Variants in AGBL4 observed in about 807,000 individuals in gnomAD.
The protein encoded by AGBL4 is AGBL carboxypeptidase 4.
In AGBL4, 58 loss-of-function variants were observed where a neutral mutation model predicts 66.4. The observed-to-expected ratio is 0.87, with a 90% CI of 0.71 to 1.09. The LOEUF (loss-of-function observed/expected upper bound fraction) is 1.09, where lower values mean the gene tolerates loss of function less well. Ranked by LOEUF, AGBL4 falls within the 50% of genes least tolerant of loss-of-function variation. The pLI, the probability that AGBL4 is intolerant of heterozygous loss-of-function variation, is 0.00. For missense variants in AGBL4, 579 were observed against 631.0 expected, an observed-to-expected ratio of 0.92 and a Z score of 0.88; for synonymous variants, 234 against 222.9, an observed-to-expected ratio of 1.05 and a Z score of -0.44.
intron 6 of AGBL4, among the ~76,000 whole-genome samples, chr1:48,788,708 C>T (rs573131707): frequency 6.6e-6 from 1 of 152,250 alleles, no homozygotes; most frequent in South Asian, 2.1e-4. Flanking sequence ...TCTTCTGGGA[C>T]ACTAACTGTG....
At chr1:49,845,031 A>T in intron 2 of AGBL4, 1 of 1,437,600 alleles carries the variant, frequency 7.0e-7, no homozygotes, top group Non-Finnish European at 9.6e-7. Flanking sequence ...GGGAGAAGCC[A>T]GACCTAAATG....
intron 3 of AGBL4, among the ~76,000 whole-genome samples, chr1:49,485,873 T>C (rs1243851568): frequency 6.6e-6 from 1 of 151,790 alleles, no homozygotes; most frequent in Non-Finnish European, 1.5e-5. Context: ...GGGTACAAAC[T>C]AATAGAAAAA....
intron 3 of AGBL4, among the ~76,000 whole-genome samples, chr1:49,322,304 G>T (rs577318629): frequency 1.3e-5 from 2 of 152,296 alleles, no homozygotes; most frequent in African/African-American, 4.8e-5. Flanking sequence ...CCAGGTGATT[G>T]TATGTGGATG....
intron 5 of AGBL4, among the ~76,000 whole-genome samples, chr1:48,938,672 C>T (rs1655683870): frequency 6.6e-6 from 1 of 152,158 alleles, no homozygotes; most frequent in South Asian, 2.1e-4. Flanking sequence ...ATAAATTGGG[C>T]ATTTGTATAT....
chr1:49,625,447 A>T (rs1645446870), intron 3 of AGBL4, among the ~76,000 whole-genome samples: 1 of 152,174 alleles, frequency 6.6e-6, no homozygotes, highest in Non-Finnish European at 1.5e-5. Context: ...TTTCCTTGAC[A>T]ATTAAGACTA....
At chr1:49,401,789 A>G (rs1457984268) in intron 3 of AGBL4, among the ~76,000 whole-genome samples, 1 of 152,170 alleles carries the variant, frequency 6.6e-6, no homozygotes, top group African/African-American at 2.4e-5. Context: ...GTAGAATTCA[A>G]CAATGAAACT....
chr1:49,342,749 C>T (rs1645565465), intron 3 of AGBL4, among the ~76,000 whole-genome samples: 1 of 152,148 alleles, frequency 6.6e-6, no homozygotes, highest in Admixed American at 6.5e-5. Context: ...TGACCTTTGC[C>T]ATTTATTGAT....
At chr1:50,006,579 C>A (rs913337774) in intron 1 of AGBL4, among the ~76,000 whole-genome samples, 2 of 151,200 alleles carry the variant, frequency 1.3e-5, no homozygotes, top group African/African-American at 4.9e-5. Context: ...AAATAACATA[C>A]AATGGAGCTC....
intron 1 of AGBL4, among the ~76,000 whole-genome samples, chr1:49,953,605 T>C (rs1381399342): frequency 6.6e-6 from 1 of 151,908 alleles, no homozygotes; most frequent in East Asian, 1.9e-4. Context: ...TGAAACTCTA[T>C]GAGCATTGCT....
chr1:49,563,634 C>G (rs1644112581), intron 3 of AGBL4, among the ~76,000 whole-genome samples: 1 of 152,146 alleles, frequency 6.6e-6, no homozygotes, highest in African/African-American at 2.4e-5. Context: ...TATGTTGAAC[C>G]AGCCTTGCAT....
intron 2 of AGBL4, among the ~76,000 whole-genome samples, chr1:49,713,774 T>C (rs921298715): frequency 5.9e-5 from 9 of 152,030 alleles, no homozygotes; most frequent in Admixed American, 3.3e-4. Context: ...AGGAACAATG[T>C]AAAATTTCTG....
chr1:49,878,802 T>C (rs1647114200), intron 1 of AGBL4, among the ~76,000 whole-genome samples: 1 of 140,402 alleles, frequency 7.1e-6, no homozygotes, highest in East Asian at 2.1e-4. Context: ...TCTAAGTCTC[T>C]TTGTAGGTCA....
intron 4 of AGBL4, among the ~76,000 whole-genome samples, chr1:49,055,425 AT>A (rs1644291509): frequency 6.6e-6 from 1 of 152,098 alleles, no homozygotes; most frequent in Non-Finnish European, 1.5e-5. Flanking sequence ...CTCTAAGTTT[AT>A]CAGGCAGGTA....
intron 3 of AGBL4, among the ~76,000 whole-genome samples, chr1:49,368,994 G>A (rs1570540452): frequency 6.6e-6 from 1 of 152,186 alleles, no homozygotes; most frequent in African/African-American, 2.4e-5. Flanking sequence ...AGAATCGCTT[G>A]AACCTGGTGG....
chr1:48,715,926 A>G (rs1411074569), intron 6 of AGBL4, among the ~76,000 whole-genome samples: 1 of 152,088 alleles, frequency 6.6e-6, no homozygotes, highest in African/African-American at 2.4e-5. Flanking sequence ...TGGGCCCCAG[A>G]GCATTTTCAC....
intron 3 of AGBL4, among the ~76,000 whole-genome samples, chr1:49,531,921 C>T (rs2148814665): frequency 6.6e-6 from 1 of 152,158 alleles, no homozygotes; most frequent in East Asian, 1.9e-4. Flanking sequence ...TACACATATG[C>T]TAATGGTCTG....
intron 3 of AGBL4, among the ~76,000 whole-genome samples, chr1:49,269,531 T>A: frequency 6.6e-6 from 1 of 152,156 alleles, no homozygotes; most frequent in East Asian, 1.9e-4. Flanking sequence ...CTTTTAAAGG[T>A]CTGATAATAA....
intron 3 of AGBL4, among the ~76,000 whole-genome samples, chr1:49,561,912 A>G (rs1378243438): frequency 4.6e-5 from 7 of 152,042 alleles, no homozygotes; most frequent in Non-Finnish European, 8.8e-5. Flanking sequence ...GAACTAGTTT[A>G]CAGTCCCACC....
At chr1:49,674,250 T>C (rs536413591) in intron 3 of AGBL4, among the ~76,000 whole-genome samples, 85 of 152,122 alleles carry the variant, frequency 5.6e-4, no homozygotes, top group African/African-American at 1.9e-3. Flanking sequence ...CTCTTTTGCT[T>C]TTAGGTGGGT....
Sources: gnomAD v4.1 joint callset for allele counts (sites outside exome capture counted in the v4.1 genomes callset) on GRCh38, gnomAD v4.1.1 for gene constraint, MANE v1.5 for transcripts, NCBI Gene and HGNC (gene_info 2026-07-23, HGNC 2026-07-21) for gene names.